TCF7L1: variants seen among roughly 807,000 people sequenced by gnomAD.
The protein encoded by TCF7L1 is transcription factor 7-like 1.
TCF7L1 carries 18 observed loss-of-function variants against 63.7 expected under a neutral mutation model. The observed-to-expected ratio is 0.28, with a 90% CI of 0.20 to 0.42. The LOEUF (loss-of-function observed/expected upper bound fraction) is 0.42, where lower values mean the gene tolerates loss of function less well. Among genes scored for constraint, TCF7L1 ranks in the 10% least tolerant of loss-of-function variants. The pLI is 1.00. For synonymous variants in TCF7L1, 355 were observed against 340.9 expected (o/e 1.04, Z -0.46); for missense variants, 654 against 779.3 (o/e 0.84, Z 1.91).
rs13398781 is a variant in TCF7L1, at chr2:85,167,768, G to A, written c.441+33318G>A. 7.8e-3 allele frequency among the ~76,000 whole-genome samples: 1,189 copies of A among 152,270 alleles called. 25 individuals are homozygous for A. The highest frequency in any genetic ancestry group is 0.027 in the African/African-American group (1,140 of 41,536). On this transcript the variant is annotated intron_variant, in intron 3 of 11. Coordinates refer to ENST00000282111, the MANE Select transcript of TCF7L1 (RefSeq NM_031283.3). ...AGTTTCGGCTACTCGGGAGACTGAG[G>A]TGGGAGGATCGCTTGAGCCCAGGAG...
intron 3 of TCF7L1, among the ~76,000 whole-genome samples, chr2:85,145,064 C>T (rs1207307058): frequency 1.1e-5 from 1 of 90,268 alleles, no homozygotes; most frequent in Non-Finnish European, 2.4e-5. Context: ...GACTTTGTTT[C>T]AAAAAAAAAA....
At chr2:85,245,585 G>T (rs896693470) in intron 3 of TCF7L1, among the ~76,000 whole-genome samples, 1 of 152,060 alleles carries the variant, frequency 6.6e-6, no homozygotes, top group Non-Finnish European at 1.5e-5. Flanking sequence ...GGCCGAGGCG[G>T]GCAGATCACG....
At chr2:85,192,359 G>A (rs1273495967) in intron 3 of TCF7L1, among the ~76,000 whole-genome samples, 10 of 151,990 alleles carry the variant, frequency 6.6e-5, no homozygotes, top group African/African-American at 2.4e-4. Flanking sequence ...TAAATGAGAT[G>A]ATACATGTGA....
chr2:85,290,378 G>A (rs1681679572), intron 4 of TCF7L1, among the ~76,000 whole-genome samples: 1 of 152,058 alleles, frequency 6.6e-6, no homozygotes, highest in Admixed American at 6.6e-5. Flanking sequence ...GTCTCGCTAT[G>A]TTGCTCAGGC....
chr2:85,286,227 C>T (rs1264601559), intron 4 of TCF7L1, among the ~76,000 whole-genome samples: 3 of 150,170 alleles, frequency 2.0e-5, no homozygotes, highest in African/African-American at 2.5e-5. Context: ...TGGTGGTACG[C>T]GCCTGTAATC....
In TCF7L1 at chr2:85,148,449, G is replaced by A. The variant is rs1023780322; in HGVS notation, c.441+13999G>A. ...GTTTGCAGAGCACTGAATCCCAGCC[G>A]CGTCATGAGTTGGCTGTGTCCCTAT... On this transcript the variant is annotated intron_variant, in intron 3 of 11. Transcript: ENST00000282111. 5.9e-5 allele frequency among the ~76,000 whole-genome samples: 9 copies of A among 152,256 alleles called. No individual in the cohort carries two copies. In the South Asian group the frequency reaches 8.3e-4, roughly 14 times the overall value.
intron 3 of TCF7L1, among the ~76,000 whole-genome samples, chr2:85,181,481 A>T (rs1431768674): frequency 6.6e-6 from 1 of 152,182 alleles, no homozygotes; most frequent in South Asian, 2.1e-4. Flanking sequence ...CCCGGAGGAA[A>T]AAAAGAACTA....
chr2:85,208,198 A>C (rs1004807989), intron 3 of TCF7L1, among the ~76,000 whole-genome samples: 3 of 152,094 alleles, frequency 2.0e-5, no homozygotes, highest in Admixed American at 6.6e-5. Flanking sequence ...GAGCCACCAC[A>C]CCTGGCCTAT....
intron 3 of TCF7L1, among the ~76,000 whole-genome samples, chr2:85,179,818 A>T (rs892425826): frequency 1.3e-5 from 2 of 152,106 alleles, no homozygotes. Flanking sequence ...CATAAAAAAG[A>T]TTTCTTACCA....
At chr2:85,256,875 C>T (rs1707963699) in intron 3 of TCF7L1, among the ~76,000 whole-genome samples, 1 of 151,636 alleles carries the variant, frequency 6.6e-6, no homozygotes, top group Non-Finnish European at 1.5e-5. Context: ...CCCAGCCACT[C>T]GGGAAGCTGA....
At chr2:85,165,214 C>T (rs186136895) in intron 3 of TCF7L1, among the ~76,000 whole-genome samples, 5 of 152,358 alleles carry the variant, frequency 3.3e-5, no homozygotes, top group South Asian at 4.1e-4. Flanking sequence ...TCTTGACCAT[C>T]GCTTGATTTA....
At chr2:85,237,056 T>G (rs1011889317) in intron 3 of TCF7L1, among the ~76,000 whole-genome samples, 2 of 152,150 alleles carry the variant, frequency 1.3e-5, no homozygotes, top group Admixed American at 1.3e-4. Context: ...GGAGAGGTGC[T>G]TTTTAGACCT....
At position 85,223,817 on chromosome 2, in the gene TCF7L1, C is replaced by G. The variant is rs192449846; in HGVS notation, c.442-59678C>G. Among the ~76,000 whole-genome samples the G allele has an allele frequency of 2.2e-3, 341 of 152,226 alleles. 2 individuals carry two copies. Among genetic ancestry groups the G allele is most frequent in the Non-Finnish European group, 4.1e-3 (277 of 68,032 alleles). On this transcript the variant is annotated intron_variant, in intron 3 of 11. Coordinates refer to ENST00000282111, the MANE Select transcript of TCF7L1 (RefSeq NM_031283.3). ...ACCTTTTTTTATTATACTTTAAGTT[C>G]TAGGATACATGTGCACAACGTGCAG...
chr2:85,240,169 A>T (rs1277071011), intron 3 of TCF7L1, among the ~76,000 whole-genome samples: 2 of 152,176 alleles, frequency 1.3e-5, no homozygotes, highest in Non-Finnish European at 2.9e-5. Flanking sequence ...CCATAGCCAC[A>T]TGTGGCAAGT....
intron 3 of TCF7L1, among the ~76,000 whole-genome samples, chr2:85,143,475 A>G (rs1677793661): frequency 6.6e-6 from 1 of 152,240 alleles, no homozygotes. Context: ...CCATTTGGAA[A>G]GCACTTGGCA....
chr2:85,207,493 A>G (rs1022712080), intron 3 of TCF7L1, among the ~76,000 whole-genome samples: 3 of 152,044 alleles, frequency 2.0e-5, no homozygotes, highest in East Asian at 1.9e-4. Context: ...CCGGCTAGCT[A>G]TCCCTCCAAG....
intron 4 of TCF7L1, among the ~76,000 whole-genome samples, chr2:85,290,041 G>A (rs922776251): frequency 4.1e-5 from 6 of 146,496 alleles, no homozygotes; most frequent in South Asian, 4.3e-4. Flanking sequence ...GCAGTGGTGC[G>A]ATCTCAGCTC....
chr2:85,243,337 G>T (rs1412933747), intron 3 of TCF7L1, among the ~76,000 whole-genome samples: 1 of 152,144 alleles, frequency 6.6e-6, no homozygotes, highest in African/African-American at 2.4e-5. Context: ...GGGTGAGGCT[G>T]AGTGGAAGCT....
At chr2:85,188,306 A>T (rs2568207) in intron 3 of TCF7L1, among the ~76,000 whole-genome samples, 93,576 of 152,060 alleles carry the variant, frequency 0.62, 29,641 homozygotes, top group African/African-American at 0.74. Flanking sequence ...GAAATCTGAG[A>T]AAGTTCTGTG....
Sources: gnomAD v4.1 joint callset for allele counts (sites outside exome capture counted in the v4.1 genomes callset) on GRCh38, gnomAD v4.1.1 for gene constraint, MANE v1.5 for transcripts, NCBI Gene and HGNC (gene_info 2026-07-23, HGNC 2026-07-21) for gene names.